The following TLK1 variants were observed in gnomAD, a reference collection of about 807,000 sequenced individuals.
The protein encoded by TLK1 is serine/threonine-protein kinase tousled-like 1.
In TLK1, 24 loss-of-function variants were observed where a neutral mutation model predicts 105.3. The ratio of observed to expected loss-of-function variants is 0.23; its 90% CI spans 0.17 to 0.32. TLK1 has a LOEUF of 0.32. TLK1 is among the 10% of genes least tolerant of loss of function. The pLI, the probability that TLK1 is intolerant of heterozygous loss-of-function variation, is 1.00. For missense variants in TLK1, 558 were observed against 910.5 expected (o/e 0.61, Z 4.98); for synonymous variants, 321 against 310.4 (o/e 1.03, Z -0.36).
At chr2:171,004,570 G>A (rs573657980) in intron 18 of TLK1, among the ~76,000 whole-genome samples, 21 of 152,156 alleles carry the variant, frequency 1.4e-4, no homozygotes, top group South Asian at 4.1e-4. Flanking sequence ...TTTGTCCCTC[G>A]AACATCTGTA....
chr2:171,143,847 A>T (rs1424081544), intron 1 of TLK1, among the ~76,000 whole-genome samples: 1 of 152,224 alleles, frequency 6.6e-6, no homozygotes, highest in Non-Finnish European at 1.5e-5. Flanking sequence ...TAACCCTATC[A>T]GTAACACTAA....
chr2:171,103,281 T>TATATATATATATATAA (rs1018211660), intron 2 of TLK1, among the ~76,000 whole-genome samples: 63 of 150,134 alleles, frequency 4.2e-4, no homozygotes, highest in African/African-American at 1.4e-3. Context: ...TATATATATA[T>TATATATATATATATAA]AATTTTTTTT....
At chr2:171,003,273 C>CCAA (rs1684481904) in intron 18 of TLK1, among the ~76,000 whole-genome samples, 1 of 68,506 alleles carries the variant, frequency 1.5e-5, no homozygotes, top group South Asian at 4.5e-4. Flanking sequence ...GACTCCGTCT[C>CCAA]AAAAAAAAAA....
intron 2 of TLK1, among the ~76,000 whole-genome samples, chr2:171,095,381 C>A (rs1689410741): frequency 6.6e-6 from 1 of 151,776 alleles, no homozygotes; most frequent in South Asian, 2.1e-4. Context: ...GCAAGTCCTA[C>A]CAAGACCAAA....
intron 1 of TLK1, among the ~76,000 whole-genome samples, chr2:171,157,694 C>G (rs971354718): frequency 3.3e-5 from 5 of 152,166 alleles, no homozygotes; most frequent in Admixed American, 2.0e-4. Context: ...TTTGTGGTTT[C>G]AAATGTCAAA....
At chr2:171,096,485 G>A (rs1001452335) in intron 2 of TLK1, among the ~76,000 whole-genome samples, 9 of 152,140 alleles carry the variant, frequency 5.9e-5, no homozygotes, top group South Asian at 2.1e-4. Flanking sequence ...GCCCAGGCAC[G>A]GTAGCTCATG....
intron 1 of TLK1, among the ~76,000 whole-genome samples, chr2:171,138,136 T>C (rs1223537069): frequency 2.0e-5 from 3 of 152,106 alleles, no homozygotes; most frequent in Non-Finnish European, 4.4e-5. Flanking sequence ...GAGATAGGGG[T>C]TGTAATTTAT....
intron 1 of TLK1, among the ~76,000 whole-genome samples, chr2:171,215,353 A>G (rs764737135): frequency 3.0e-4 from 46 of 152,334 alleles, no homozygotes; most frequent in Non-Finnish European, 3.8e-4. Flanking sequence ...TTAGTTTCCA[A>G]CACAAATACA....
intron 3 of TLK1, among the ~76,000 whole-genome samples, chr2:171,066,257 T>C (rs1687987234): frequency 6.6e-6 from 1 of 152,244 alleles, no homozygotes; most frequent in African/African-American, 2.4e-5. Context: ...TTTGGAATCC[T>C]ATCATCAAAT....
At chr2:171,125,842 T>C (rs1463645778) in intron 1 of TLK1, among the ~76,000 whole-genome samples, 1 of 152,218 alleles carries the variant, frequency 6.6e-6, no homozygotes, top group Non-Finnish European at 1.5e-5. Context: ...TATTCTTTTT[T>C]GATGTTTTTA....
At chr2:171,094,797 A>G (rs968299801) in intron 2 of TLK1, among the ~76,000 whole-genome samples, 6 of 152,150 alleles carry the variant, frequency 3.9e-5, no homozygotes, top group Admixed American at 3.3e-4. Flanking sequence ...TAGTAGAGAC[A>G]GGGTTTCACC....
At chr2:171,195,364 A>G (rs542091226) in intron 1 of TLK1, among the ~76,000 whole-genome samples, 61 of 151,858 alleles carry the variant, frequency 4.0e-4, no homozygotes, top group South Asian at 8.3e-4. Flanking sequence ...TTAGCCGGGC[A>G]TGGTGGTGGG....
At chr2:171,202,182 G>T (rs373415960) in intron 1 of TLK1, among the ~76,000 whole-genome samples, 1 of 152,220 alleles carries the variant, frequency 6.6e-6, no homozygotes, top group South Asian at 2.1e-4. Context: ...CAGGCCGGGC[G>T]CGGTGGCTCA....
intron 1 of TLK1, among the ~76,000 whole-genome samples, chr2:171,144,178 G>GA (rs1383458955): frequency 2.0e-5 from 3 of 152,080 alleles, no homozygotes; most frequent in African/African-American, 7.2e-5. Flanking sequence ...CAAATTACAT[G>GA]AAGCAAAACT....
chr2:171,014,619 G>A (rs1685084687), intron 13 of TLK1, among the ~76,000 whole-genome samples: 1 of 152,132 alleles, frequency 6.6e-6, no homozygotes, highest in Admixed American at 6.5e-5. Flanking sequence ...AGAGGAAATG[G>A]TAAGCACAAA....
intron 4 of TLK1, chr2:171,059,804 C>T (rs376193067): frequency 1.4e-5 from 10 of 698,662 alleles, no homozygotes; most frequent in East Asian, 2.6e-5. Context: ...GAGTGCATAA[C>T]CTGGATCCCT....
intron 2 of TLK1, among the ~76,000 whole-genome samples, chr2:171,096,017 A>G (rs1161676483): frequency 6.6e-6 from 1 of 152,198 alleles, no homozygotes; most frequent in Non-Finnish European, 1.5e-5. Flanking sequence ...TCCTACCCAG[A>G]GCAATCAGGC....
intron 18 of TLK1, among the ~76,000 whole-genome samples, chr2:170,999,072 T>C (rs1287161615): frequency 6.6e-6 from 1 of 152,236 alleles, no homozygotes; most frequent in Non-Finnish European, 1.5e-5. Context: ...AGCCAGTTCA[T>C]AATTTTTAAT....
intron 1 of TLK1, among the ~76,000 whole-genome samples, chr2:171,129,151 G>T (rs1690993676): frequency 6.6e-6 from 1 of 152,160 alleles, no homozygotes; most frequent in Non-Finnish European, 1.5e-5. Flanking sequence ...CTGGTATCTT[G>T]TCTCTAACCT....
Sources: allele counts gnomAD v4.1 joint callset (sites outside exome capture counted in the v4.1 genomes callset), GRCh38; gene constraint gnomAD v4.1.1; transcripts MANE v1.5; gene names NCBI Gene and HGNC (gene_info 2026-07-23, HGNC 2026-07-21).